SEC24B: variants seen among roughly 807,000 people sequenced by gnomAD.
The protein encoded by SEC24B is SEC24 homolog B, COPII component.
In SEC24B, 45 loss-of-function variants were observed where a neutral mutation model predicts 142.8. That is an observed-to-expected ratio of 0.32 (90% CI 0.25 to 0.40). The LOEUF is 0.40. Ranked by LOEUF, SEC24B falls within the 10% of genes least tolerant of loss-of-function variation. The pLI, the probability that SEC24B is intolerant of heterozygous loss-of-function variation, is 1.00. For synonymous variants in SEC24B, 574 were observed against 568.2 expected, an observed-to-expected ratio of 1.01 and a Z score of -0.15; for missense variants, 1,409 against 1,526.8, an observed-to-expected ratio of 0.92 and a Z score of 1.29.
chr4:109,465,626 CAAAG>C (rs1211586093), intron 2 of SEC24B, among the ~76,000 whole-genome samples: 1 of 152,098 alleles, frequency 6.6e-6, no homozygotes, highest in Non-Finnish European at 1.5e-5. Flanking sequence ...ACTTTCATGA[CAAAG>C]GAAATACAAG....
intron 2 of SEC24B, among the ~76,000 whole-genome samples, chr4:109,466,338 A>C (rs1178697051): frequency 6.6e-6 from 1 of 152,232 alleles, no homozygotes; most frequent in East Asian, 1.9e-4. Context: ...CTGGCAACAT[A>C]ATTGCTTTCA....
intron 9 of SEC24B, among the ~76,000 whole-genome samples, chr4:109,513,243 G>A (rs992371080): frequency 6.6e-6 from 1 of 151,100 alleles, no homozygotes; most frequent in African/African-American, 2.4e-5. Flanking sequence ...CAAAATGCTG[G>A]GATTATAGGT....
At chr4:109,487,476 AT>A (rs1232092697) in intron 4 of SEC24B, among the ~76,000 whole-genome samples, 2 of 152,184 alleles carry the variant, frequency 1.3e-5, no homozygotes, top group East Asian at 3.9e-4. Flanking sequence ...TAGAAGCCAA[AT>A]TTTGAAGTTT....
intron 2 of SEC24B, among the ~76,000 whole-genome samples, chr4:109,472,416 C>G (rs527286101): frequency 6.6e-6 from 1 of 152,152 alleles, no homozygotes; most frequent in Non-Finnish European, 1.5e-5. Context: ...GCACTTTATT[C>G]CAGAAGTTCA....
chr4:109,526,682 G>A (rs1024551097), intron 17 of SEC24B, among the ~76,000 whole-genome samples: 1 of 151,874 alleles, frequency 6.6e-6, no homozygotes. Flanking sequence ...ATTATTTCTT[G>A]CCCCAAAAAG....
At chr4:109,480,229 T>C (rs1733596781) in intron 3 of SEC24B, among the ~76,000 whole-genome samples, 1 of 152,040 alleles carries the variant, frequency 6.6e-6, no homozygotes, top group African/African-American at 2.4e-5. Context: ...TTTCTTACTC[T>C]AGTGATGAGT....
chr4:109,525,501 A>G lies in SEC24B; in HGVS notation c.2788A>G (p.Lys930Glu). The G allele has an allele frequency of 1.3e-6, 2 of 1,597,200 alleles. No individual in the cohort carries two copies. Among genetic ancestry groups the G allele is most frequent in the Non-Finnish European group, 8.5e-7 (1 of 1,172,710 alleles). Residue 930 changes from lysine (K) to glutamate (E), a missense_variant, in exon 16 of 24, where the codon AAA (lysine) becomes GAA (glutamate). Lys to Glu is a moderately conservative substitution (Grantham distance 56). Coordinates refer to ENST00000265175, the MANE Select transcript of SEC24B (RefSeq NM_006323.5). ...AGCTGTTATGAGAATAAGGTGTACT[A>G]AAGGTATGAAGTTGTAAAAGTTATA... ...FEAVMRIRCT[K>E]GLSMHTFHGN...
rs576321090 is a variant in SEC24B, at chr4:109,497,423, G to A, written c.1488+2567G>A. On this transcript the variant is annotated intron_variant, in intron 6 of 23. Coordinates refer to ENST00000265175, the MANE Select transcript of SEC24B (RefSeq NM_006323.5). ...TTTATATTCTGGGTCTAGTACAAGT[G>A]TTAGGAAAGTTTGGATAAAGGGGAC... Among the ~76,000 whole-genome samples the A allele has an allele frequency of 7.9e-5, 12 of 152,268 alleles. No individual in the cohort carries two copies. The South Asian group carries it at 1.4e-3, about 18-fold the overall frequency.
chr4:109,468,609 A>G (rs543564835), intron 2 of SEC24B, among the ~76,000 whole-genome samples: 1 of 152,310 alleles, frequency 6.6e-6, no homozygotes, highest in South Asian at 2.1e-4. Flanking sequence ...AGTGTAGTAG[A>G]TAACTGGAGG....
intron 2 of SEC24B, among the ~76,000 whole-genome samples, chr4:109,465,239 C>A (rs1177205829): frequency 6.6e-6 from 1 of 152,176 alleles, no homozygotes; most frequent in East Asian, 1.9e-4. Flanking sequence ...CTCAAAGTGT[C>A]TGTCACAGTT....
chr4:109,506,968 G>C (rs1435353749), intron 7 of SEC24B, among the ~76,000 whole-genome samples: 1 of 151,998 alleles, frequency 6.6e-6, no homozygotes, highest in African/African-American at 2.4e-5. Flanking sequence ...ACTCAATATA[G>C]AGTATGAAGA....
At chr4:109,502,021 A>G (rs1736209535) in intron 6 of SEC24B, among the ~76,000 whole-genome samples, 1 of 152,236 alleles carries the variant, frequency 6.6e-6, no homozygotes, top group Non-Finnish European at 1.5e-5. Flanking sequence ...TTCTGGGGTG[A>G]AAATGTGGAG....
intron 4 of SEC24B, among the ~76,000 whole-genome samples, chr4:109,482,928 G>A (rs1354728649): frequency 2.3e-5 from 2 of 85,948 alleles, no homozygotes; most frequent in African/African-American, 7.6e-5. Context: ...TACCTTGCCA[G>A]GCTTGTACTA....
chr4:109,462,779 A>T (rs926283615), intron 1 of SEC24B, 122 bp from the exon 2 acceptor site: 1 of 792,518 alleles, frequency 1.3e-6, no homozygotes, highest in Admixed American at 2.6e-5. Flanking sequence ...ATAACAGTGT[A>T]TACCTTTTGT....
intron 7 of SEC24B, among the ~76,000 whole-genome samples, 198 bp downstream of exon 7, chr4:109,506,710 C>T (rs1736725711): frequency 1.3e-5 from 2 of 152,094 alleles, no homozygotes; most frequent in African/African-American, 4.8e-5. Flanking sequence ...CCAGTCCCTT[C>T]CCCCCATCAC....
At chr4:109,493,111 G>A (rs6835683) in intron 5 of SEC24B, among the ~76,000 whole-genome samples, 46,873 of 151,912 alleles carry the variant, frequency 0.31, 12,084 homozygotes, top group African/African-American at 0.71. Context: ...GGGACAAGCA[G>A]GAGATCTAAG....
chr4:109,538,806 G>T (rs2126113025), intron 23 of SEC24B, among the ~76,000 whole-genome samples: 1 of 152,042 alleles, frequency 6.6e-6, no homozygotes, highest in Admixed American at 6.6e-5. Flanking sequence ...ATTTGAGATA[G>T]AGTCTCACTC....
chr4:109,534,029 T>C (rs568338015), intron 22 of SEC24B, among the ~76,000 whole-genome samples: 4 of 152,150 alleles, frequency 2.6e-5, no homozygotes, highest in South Asian at 2.1e-4. Context: ...ATTGATGTTG[T>C]AGCTTATATT....
intron 2 of SEC24B, among the ~76,000 whole-genome samples, chr4:109,464,244 G>A (rs1731621395): frequency 6.6e-6 from 1 of 151,646 alleles, no homozygotes; most frequent in African/African-American, 2.4e-5. Context: ...AAACCAAGGT[G>A]TTGTTAAATT....
Sources: allele counts gnomAD v4.1 joint callset (sites outside exome capture counted in the v4.1 genomes callset), GRCh38; gene constraint gnomAD v4.1.1; transcripts MANE v1.5; gene names NCBI Gene and HGNC (gene_info 2026-07-23, HGNC 2026-07-21).